The following YPEL1 variants were observed in gnomAD, a reference collection of about 807,000 sequenced individuals.
YPEL1 encodes the protein protein yippee-like 1.
YPEL1 carries 7 observed loss-of-function variants against 17.3 expected under a neutral mutation model. The observed-to-expected ratio is 0.40, with a 90% CI of 0.23 to 0.76. The LOEUF (loss-of-function observed/expected upper bound fraction) is 0.76, where lower values mean the gene tolerates loss of function less well. Among genes scored for constraint, YPEL1 ranks in the 30% least tolerant of loss-of-function variants. The pLI is 0.35. For missense variants in YPEL1, 91 were observed against 155.5 expected (o/e 0.59, Z 2.21); for synonymous variants, 59 against 59.6 (o/e 0.99, Z 0.05).
intron 1 of YPEL1, among the ~76,000 whole-genome samples, chr22:21,717,494 G>GAAAAT (rs935846436): frequency 5.9e-5 from 9 of 152,166 alleles, no homozygotes; most frequent in Non-Finnish European, 1.0e-4. Context: ...GAGGCAAGAA[G>GAAAAT]AAAATGGGGT....
rs190833158 is a variant in YPEL1, at chr22:21,699,533, T to C, written c.*1596A>G. The stretch of plus-strand genomic sequence containing the variant: ...TGGCAGAAACACAGGCCTTAGGAGA[T>C]TGCACAGGCCCCTCTATCAGTTCAA... On this transcript the variant is annotated 3_prime_UTR_variant, in exon 5 of 5. Transcript: ENST00000339468. The C allele has an allele frequency of 2.2e-4, 33 of 152,514 alleles. No homozygotes were observed. Among genetic ancestry groups the C allele is most frequent in the Admixed American group, 1.8e-3 (28 of 15,288 alleles). The allele number at this position is 152,514 out of a possible 1,614,324, so 9.4% of individuals were successfully genotyped here.
Position 21,698,335 on chromosome 22 carries a change from G to A in YPEL1, c.*2794C>T, listed in dbSNP as rs1320104794. On this transcript the variant is annotated 3_prime_UTR_variant, in exon 5 of 5. Coordinates refer to ENST00000339468, the MANE Select transcript of YPEL1 (RefSeq NM_013313.5). The stretch of plus-strand genomic sequence containing the variant: ...TCAATCAATGCCGTCACAAAAGACA[G>A]TACAAAAACCAAAGTGCCCAAATAG... 1 of 149,840 alleles carries A rather than the reference G, an allele frequency of 6.7e-6. No individual in the cohort carries two copies. Among genetic ancestry groups the A allele is most frequent in the African/African-American group, 2.4e-5 (1 of 40,954 alleles). 9.3% of individuals were successfully genotyped at this position (149,840 alleles called of 1,614,324 possible). A position where few individuals can be genotyped will look rare whatever the true frequency, so the allele number is the denominator to read the frequency against.
rs181929516 is a variant in YPEL1 at position 21,712,953 on chromosome 22, A to G, written c.-164-2045T>C. ...CAATCTGATTAAAAATGGACAAAGG[A>G]CTTATATAAACATTTCTCCGAAGAA... On this transcript the variant is annotated intron_variant, in intron 1 of 4. Coordinates refer to ENST00000339468, the MANE Select transcript of YPEL1 (RefSeq NM_013313.5). Among the ~76,000 whole-genome samples the G allele has an allele frequency of 5.0e-3, 755 of 152,232 alleles. 5 individuals carry two copies. The highest frequency in any genetic ancestry group is 8.0e-3 in the Non-Finnish European group (547 of 68,012).
rs922488472 is a variant in YPEL1 at position 21,703,867 on chromosome 22, G to A, written c.133C>T (p.Gln45Ter). The change falls in exon 3 of 5, where the codon CAG becomes TAG. Residue 45 changes from glutamine to a stop codon, truncating the protein, a stop_gained. Transcript: ENST00000339468. LOFTEE classifies it high-confidence loss of function. The surrounding 1 kb of genome is among the most constrained non-coding windows in gnomAD (Gnocchi z 6.1). ...GAATTGAAGAGGTAGGCGCGTCCCT[G>A]GCTCCCCTGAAAGGACTGAAAGAAG... is the stretch of plus-strand genomic sequence containing the variant. ...ELISKSFQGSQGRAYLFNSVV... is the reference protein window; with the variant it reads ...ELISKSFQGS 28 of 1,605,482 alleles carry A rather than the reference G, an allele frequency of 1.7e-5. No homozygotes were observed. The highest frequency in any genetic ancestry group is 2.3e-5 in the Non-Finnish European group (27 of 1,176,098).
At position 21,703,842 on chromosome 22, in the gene YPEL1, G is replaced by T; in HGVS notation, c.158C>A (p.Ser53Tyr). The change falls in exon 3 of 5, where the codon TCC becomes TAC. Residue 53 changes from serine to tyrosine, a missense_variant. Coordinates refer to ENST00000339468, the MANE Select transcript of YPEL1 (RefSeq NM_013313.5). The surrounding 1 kb of genome is among the most constrained non-coding windows in gnomAD (Gnocchi z 6.1). ...GSQGRAYLFN[S>Y]VVNVGCGPAE... ...CGGGCTGAACCAGGGTACTCACACG[G>T]AATTGAAGAGGTAGGCGCGTCCCTG... 1 of 1,609,594 alleles carries T rather than the reference G, an allele frequency of 6.2e-7. No homozygotes were observed. The highest frequency in any genetic ancestry group is 8.5e-7 in the Non-Finnish European group (1 of 1,177,972).
At chr22:21,729,433 C>G (rs796486362) in intron 1 of YPEL1, among the ~76,000 whole-genome samples, 1 of 144,652 alleles carries the variant, frequency 6.9e-6, no homozygotes, top group African/African-American at 2.5e-5. Flanking sequence ...ACAGCAAGAC[C>G]CCCATCTCTA....
chr22:21,711,370 C>A (rs116743093), intron 1 of YPEL1, among the ~76,000 whole-genome samples: 2,121 of 152,286 alleles, frequency 0.014, 48 homozygotes, highest in African/African-American at 0.049. Flanking sequence ...GATTCAAATT[C>A]TTCTTATACC....
At position 21,703,049 on chromosome 22, in the gene YPEL1, C is replaced by G. The variant is rs767086318; in HGVS notation, c.270+321G>C. 2.6e-5 allele frequency among the ~76,000 whole-genome samples: 4 copies of G among 152,246 alleles called. No individual in the cohort carries two copies. Among genetic ancestry groups the G allele is most frequent in the Non-Finnish European group, 4.4e-5 (3 of 68,042 alleles). On this transcript the variant is annotated intron_variant, in intron 4 of 4. Coordinates refer to ENST00000339468, the MANE Select transcript of YPEL1 (RefSeq NM_013313.5). The surrounding 1 kb of genome is among the most constrained non-coding windows in gnomAD (Gnocchi z 6.1). ...CTCCCGCAGCCCCCTGCAGCCTCCT[C>G]GGCCTCCTCCCACACCAGGCTCTGC...
intron 1 of YPEL1, among the ~76,000 whole-genome samples, chr22:21,726,334 G>A (rs1259806076): frequency 6.6e-6 from 1 of 152,228 alleles, no homozygotes; most frequent in Admixed American, 6.5e-5. Flanking sequence ...CCAAAGACAG[G>A]CGTTTGCCCT....
intron 1 of YPEL1, among the ~76,000 whole-genome samples, chr22:21,711,756 TAA>T (rs1290697991): frequency 3.3e-5 from 5 of 152,190 alleles, no homozygotes; most frequent in Non-Finnish European, 7.3e-5. Flanking sequence ...GCTAAGACTA[TAA>T]AACTCTTAGA....
At chr22:21,729,774 A>G (rs2068370311) in intron 1 of YPEL1, among the ~76,000 whole-genome samples, 1 of 152,194 alleles carries the variant, frequency 6.6e-6, no homozygotes, top group Non-Finnish European at 1.5e-5. Flanking sequence ...TAACTGGATA[A>G]AAGCAGTTAT....
At chr22:21,729,579 C>G (rs959783043) in intron 1 of YPEL1, among the ~76,000 whole-genome samples, 3 of 152,024 alleles carry the variant, frequency 2.0e-5, no homozygotes, top group Non-Finnish European at 4.4e-5. Flanking sequence ...CCAGGCTGGG[C>G]GACAGAGCGA....
In YPEL1 at chr22:21,697,923, CT is replaced by C. The variant is rs1437162060; in HGVS notation, c.*3205del. ...TTTGGGAAGATTCTTATTTTCAATT[CT>C]AATATCTGACAGATGCCATCAAGAA... is the stretch of plus-strand genomic sequence containing the variant. On this transcript the variant is annotated 3_prime_UTR_variant, in exon 5 of 5. Transcript: ENST00000339468. The C allele has an allele frequency of 6.6e-6, 1 of 152,066 alleles. No individual in the cohort carries two copies. The highest frequency in any genetic ancestry group is 2.4e-5 in the African/African-American group (1 of 41,248). 9.4% of individuals were successfully genotyped at this position (152,066 alleles called of 1,614,324 possible).
Position 21,698,674 on chromosome 22 carries a change from C to T in YPEL1, c.*2455G>A, listed in dbSNP as rs1234986222. On this transcript the variant is annotated 3_prime_UTR_variant, in exon 5 of 5. Transcript: ENST00000339468. Reference sequence around the variant, plus strand: ...CACCCGGGAAGGTGTCTTTCAGCCTCTTCACAGTCTCAAGACAATTGACTG... The same window carrying T: ...CACCCGGGAAGGTGTCTTTCAGCCTTTTCACAGTCTCAAGACAATTGACTG... 6.6e-6 allele frequency: 1 copy of T among 152,426 alleles called. No homozygotes were observed. Among genetic ancestry groups the T allele is most frequent in the Non-Finnish European group, 1.5e-5 (1 of 68,060 alleles). 9.4% of individuals were successfully genotyped at this position (152,426 alleles called of 1,614,324 possible).
rs1314725793 is a variant in YPEL1 at position 21,703,704 on chromosome 22, C to T, written c.161+135G>A. 3 of 1,030,866 alleles carry T rather than the reference C, an allele frequency of 2.9e-6. No homozygotes were observed. The highest frequency in any genetic ancestry group is 2.8e-6 in the Non-Finnish European group (2 of 717,966). The allele number at this position is 1,030,866 out of a possible 1,614,324, so 63.9% of individuals were successfully genotyped here. ...CAAGATCCTTAGCGCGTTTCAGAAA[C>T]TCCCGGCGGGGGGATGGTGGGTTCT... On this transcript the variant is annotated intron_variant, in intron 3 of 4. Transcript: ENST00000339468. This position sits in a 1 kb window ranked among gnomAD's most constrained non-coding sequence, Gnocchi z 6.1.
At position 21,701,415 on chromosome 22, in the gene YPEL1, G is replaced by C. The variant is rs2068065323; in HGVS notation, c.271-197C>G. On this transcript the variant is annotated intron_variant, in intron 4 of 4. Transcript: ENST00000339468. ...GGCAGTGTAGGTTTACTTTGCATTTGTTGTTAAAGGTTTTTCATGTGCTCG... is the reference window on the plus strand; with the variant it reads ...GGCAGTGTAGGTTTACTTTGCATTTCTTGTTAAAGGTTTTTCATGTGCTCG... Among the ~76,000 whole-genome samples, 4 of 152,184 alleles carry C rather than the reference G, an allele frequency of 2.6e-5. No homozygotes were observed. In the South Asian group the frequency reaches 8.3e-4, roughly 32 times the overall value.
chr22:21,726,820 T>C (rs1217757501), intron 1 of YPEL1, among the ~76,000 whole-genome samples: 2 of 152,050 alleles, frequency 1.3e-5, no homozygotes, highest in Non-Finnish European at 2.9e-5. Context: ...AGCGACAAGC[T>C]CAGATCTCAG....
chr22:21,706,772 G>A (rs541930172), intron 2 of YPEL1, among the ~76,000 whole-genome samples: 8 of 152,110 alleles, frequency 5.3e-5, no homozygotes, highest in Non-Finnish European at 8.8e-5. Flanking sequence ...GCTTGAGCAC[G>A]AGAGGTGGAG....
At chr22:21,716,069 T>C (rs1285049593) in intron 1 of YPEL1, among the ~76,000 whole-genome samples, 4 of 152,026 alleles carry the variant, frequency 2.6e-5, no homozygotes, top group Non-Finnish European at 5.9e-5. Flanking sequence ...GCCCTACACC[T>C]GACTAATTTT....
Sources: gnomAD v4.1 joint callset for allele counts (sites outside exome capture counted in the v4.1 genomes callset) on GRCh38, gnomAD v4.1.1 for gene constraint, Gnocchi (gnomAD v3.1) non-coding constraint, MANE v1.5 for transcripts, NCBI Gene and HGNC (gene_info 2026-07-23, HGNC 2026-07-21) for gene names.